TMEM223: variants seen among roughly 807,000 people sequenced by gnomAD.
The protein encoded by TMEM223 is transmembrane protein 223.
TMEM223 carries 14 observed loss-of-function variants against 14.1 expected under a neutral mutation model. That is an observed-to-expected ratio of 0.99 (90% CI 0.66 to 1.55). The LOEUF is 1.55. Ranked by LOEUF, TMEM223 falls within the 40% of genes most tolerant of loss-of-function variation. The pLI is 0.00. For missense variants in TMEM223, 346 were observed against 269.9 expected (o/e 1.28, Z -1.97); for synonymous variants, 145 against 120.5 (o/e 1.20, Z -1.33).
chr11:62,785,472 G>A (rs947119224), downstream of TMEM223, among the ~76,000 whole-genome samples: 1 of 151,648 alleles, frequency 6.6e-6, no homozygotes, highest in Non-Finnish European at 1.5e-5. Context: ...GATTACAGGC[G>A]TGAGCCACAG....
downstream of TMEM223, chr11:62,789,415 CACT>C: frequency 6.2e-7 from 1 of 1,613,904 alleles, no homozygotes; most frequent in Middle Eastern, 1.6e-4. Context: ...TCTCCTTGAA[CACT>C]ACAATTAGGT....
chr11:62,787,818 G>A (rs1590941933), downstream of TMEM223: 8 of 669,402 alleles, frequency 1.2e-5, no homozygotes, highest in East Asian at 2.3e-4. Flanking sequence ...CCTTACTGTG[G>A]TTCCGAAACA....
chr11:62,787,413 T>C, downstream of TMEM223: 1 of 1,557,076 alleles, frequency 6.4e-7, no homozygotes, highest in Non-Finnish European at 8.6e-7. Flanking sequence ...CAGCGGCGCT[T>C]CCTGGTGGTC....
chr11:62,773,552 A>AT (rs550020536), intron 2 of TMEM223, among the ~76,000 whole-genome samples: 97 of 151,622 alleles, frequency 6.4e-4, no homozygotes, highest in East Asian at 5.8e-4. Flanking sequence ...GGTTCAAGCG[A>AT]TTCTCCTGCC....
chr11:62,789,997 T>C lies in TMEM223; in HGVS notation c.*626A>G, dbSNP rs2084339811. On this transcript the variant is annotated 3_prime_UTR_variant, in exon 2 of 2. Coordinates refer to ENST00000307366, the MANE Select transcript of TMEM223 (RefSeq NM_001080501.3). ...GCCTCTGGAGAGGGGTGACCCTGAG[T>C]GGAGCTCTGAGACAGATGCTCTCGT... 1 of 1,614,046 alleles carries C rather than the reference T, an allele frequency of 6.2e-7. No homozygotes were observed. The highest frequency in any genetic ancestry group is 8.5e-7 in the Non-Finnish European group (1 of 1,179,978).
downstream of TMEM223, chr11:62,787,280 T>TGTACTTGCC (rs1467849868): frequency 3.2e-6 from 5 of 1,547,340 alleles, no homozygotes; most frequent in Admixed American, 9.6e-5. Context: ...GACTACTCGC[T>TGTACTTGCC]GTACTTGCCG....
In TMEM223 at chr11:62,790,466, A is replaced by G. The variant is rs1313883807; in HGVS notation, c.*157T>C. ...GTTTTTTTTTTTGTAAATAGAGACA[A>G]GGTCTCGCTATGTTGCCCAGCCTGG... On this transcript the variant is annotated 3_prime_UTR_variant, in exon 2 of 2. Transcript: ENST00000307366. 2 of 639,200 alleles carry G rather than the reference A, an allele frequency of 3.1e-6. No homozygotes were observed. The highest frequency in any genetic ancestry group is 2.6e-6 in the Non-Finnish European group (1 of 388,856). 39.6% of individuals were successfully genotyped at this position (639,200 alleles called of 1,614,324 possible).
In TMEM223 at chr11:62,790,058, G is replaced by T; in HGVS notation, c.*565C>A. The T allele has an allele frequency of 6.3e-7, 1 of 1,599,368 alleles. No homozygotes were observed. The highest frequency in any genetic ancestry group is 8.5e-7 in the Non-Finnish European group (1 of 1,171,796). On this transcript the variant is annotated 3_prime_UTR_variant, in exon 2 of 2. Transcript: ENST00000307366. ...CTTTCCCATTCCTGAAGAATAAGCGGAGTGCTTCCTGCAGCCGAAGACTCC... is the reference window on the plus strand; with the variant it reads ...CTTTCCCATTCCTGAAGAATAAGCGTAGTGCTTCCTGCAGCCGAAGACTCC...
chr11:62,778,330 G>T, intron 1 of TMEM223: 1 of 1,614,186 alleles, frequency 6.2e-7, no homozygotes, highest in Non-Finnish European at 8.5e-7. Flanking sequence ...GCACCTCAAG[G>T]ATCGGGTAAG....
At chr11:62,788,363 A>G (rs544280039), downstream of TMEM223, among the ~76,000 whole-genome samples, 10 of 151,902 alleles carry the variant, frequency 6.6e-5, no homozygotes, top group South Asian at 2.1e-3. Flanking sequence ...AGATCGTGCC[A>G]TTGCACTCCA....
intron 1 of TMEM223, among the ~76,000 whole-genome samples, chr11:62,791,372 C>G (rs552707892): frequency 1.3e-5 from 2 of 152,276 alleles, no homozygotes; most frequent in Admixed American, 6.5e-5. Context: ...ATTCTCCTGC[C>G]TCAGCCTCCC....
chr11:62,774,503 G>A, intron 2 of TMEM223: 1 of 447,024 alleles, frequency 2.2e-6, no homozygotes, highest in South Asian at 1.6e-5. Flanking sequence ...CCTGCCAGAG[G>A]AGTAGTGGGG....
At chr11:62,787,082 T>C, downstream of TMEM223, 1 of 1,536,212 alleles carries the variant, frequency 6.5e-7, no homozygotes, top group Non-Finnish European at 8.7e-7. Context: ...AAGAGCCGTT[T>C]CGCCCCGCGC....
intron 1 of TMEM223, chr11:62,778,056 C>T (rs2084200112): frequency 1.2e-6 from 2 of 1,614,094 alleles, no homozygotes; most frequent in East Asian, 2.2e-5. Flanking sequence ...TCCTGAGGAT[C>T]GAGAGGTGAA....
At chr11:62,779,165 C>T (rs1456040247) in intron 1 of TMEM223, among the ~76,000 whole-genome samples, 2 of 151,412 alleles carry the variant, frequency 1.3e-5, no homozygotes, top group Non-Finnish European at 1.5e-5. Context: ...GGATTACAGG[C>T]GTGTGCCAGC....
At chr11:62,786,443 A>C (rs1240494678), downstream of TMEM223, 14 of 1,598,208 alleles carry the variant, frequency 8.8e-6, no homozygotes, top group Non-Finnish European at 1.1e-5. Context: ...GCAGCCAAGC[A>C]GGCTTACTTT....
rs1387546814 is a variant in TMEM223, at chr11:62,779,971, TATATA to T, written c.315-5311_315-5307del. On this transcript the variant is annotated intron_variant, in intron 1 of 2. Transcript: ENST00000528367. ...GTGAGCCTATATATATATATATATA[TATATA>T]TTTTTTTTTTTTTTTTTTTTAGAGA... 4.1e-3 allele frequency among the ~76,000 whole-genome samples: 288 copies of T among 70,922 alleles called. 1 individual carries two copies. Among genetic ancestry groups the T allele is most frequent in the African/African-American group, 0.011 (269 of 25,456 alleles). 46.5% of individuals were successfully genotyped at this position (70,922 alleles called of 152,430 possible). A position where few individuals can be genotyped will look rare whatever the true frequency, so the allele number is the denominator to read the frequency against.
chr11:62,782,564 C>T (rs566396141), downstream of TMEM223: 472 of 1,374,588 alleles, frequency 3.4e-4, no homozygotes, highest in Non-Finnish European at 4.3e-4. Flanking sequence ...TCACCCCTGG[C>T]AGCCTTCTTC....
downstream of TMEM223, chr11:62,785,996 A>G: frequency 3.0e-6 from 1 of 335,164 alleles, no homozygotes; most frequent in Non-Finnish European, 5.6e-6. Flanking sequence ...GTTGTCAGTA[A>G]TGAGCATTAT....
Sources: allele counts gnomAD v4.1 joint callset (sites outside exome capture counted in the v4.1 genomes callset), GRCh38; gene constraint gnomAD v4.1.1; transcripts MANE v1.5; gene names NCBI Gene and HGNC (gene_info 2026-07-23, HGNC 2026-07-21).